Variants in CELSR1 observed in about 807,000 individuals in gnomAD.
CELSR1 encodes the protein adhesion G protein-coupled receptor C1.
CELSR1 carries 110 observed loss-of-function variants against 249.1 expected under a neutral mutation model. The ratio of observed to expected loss-of-function variants is 0.44; its 90% CI spans 0.38 to 0.52. CELSR1 has a LOEUF of 0.52. Ranked by LOEUF, CELSR1 falls within the 20% of genes least tolerant of loss-of-function variation. CELSR1 has a pLI of 0.00. For synonymous variants in CELSR1, 2,113 were observed against 1,900.0 expected (o/e 1.11, Z -2.92); for missense variants, 4,109 against 4,296.4 (o/e 0.96, Z 1.22).
At position 46,377,164 on chromosome 22, in the gene CELSR1, C is replaced by T. The variant is rs1317741440; in HGVS notation, c.7481G>A (p.Arg2494His). ...LVAFVLLSLVRMLRSNLHSIH... is the reference protein window; with the variant it reads ...LVAFVLLSLVHMLRSNLHSIH... ...GCTGTGCAGGTTGGAGCGCAGCATG[C>T]GGACCAGGCTCAGGAGGACGAAGGC... The change falls in exon 24 of 35, where the codon CGC becomes CAC. Residue 2494 changes from arginine (R) to histidine (H), a missense_variant. This residue lies in a region of CELSR1 where 1,805 missense variants were observed against 1,831.6 expected (regional missense o/e 0.99). Coordinates refer to ENST00000674500, the MANE Select transcript of CELSR1 (RefSeq NM_001378328.1). The T allele has an allele frequency of 4.3e-6, 7 of 1,613,698 alleles. No homozygotes were observed. Among genetic ancestry groups the T allele is most frequent in the Non-Finnish European group, 5.9e-6 (7 of 1,179,996 alleles).
chr22:46,365,528 A>G, intron 31 of CELSR1, 58 bp downstream of exon 31: 1 of 1,543,432 alleles, frequency 6.5e-7, no homozygotes. Context: ...CTGTCCAGTG[A>G]CCGAAGGGAC....
chr22:46,369,670 C>A (rs778269682), intron 26 of CELSR1, 22 bp downstream of exon 26: 1 of 1,601,460 alleles, frequency 6.2e-7, no homozygotes, highest in Admixed American at 1.7e-5. Flanking sequence ...CACCCGGACT[C>A]CCGTGAAGGC....
chr22:46,469,109 T>C (rs2080127906), intron 1 of CELSR1, among the ~76,000 whole-genome samples: 1 of 152,138 alleles, frequency 6.6e-6, no homozygotes, highest in Non-Finnish European at 1.5e-5. Flanking sequence ...AAATAGCCTA[T>C]GACCCACAGG....
chr22:46,514,685 G>A (rs891529190), intron 1 of CELSR1, among the ~76,000 whole-genome samples: 2 of 152,164 alleles, frequency 1.3e-5, no homozygotes, highest in East Asian at 1.9e-4. Flanking sequence ...GTCACTCCCC[G>A]GAGGGAGCCG....
intron 1 of CELSR1, among the ~76,000 whole-genome samples, chr22:46,505,845 A>C (rs2080509480): frequency 6.6e-6 from 1 of 152,138 alleles, no homozygotes; most frequent in Admixed American, 6.5e-5. Flanking sequence ...AAGGATTTTA[A>C]AAAATAAATC....
chr22:46,463,237 C>T (rs938927273), intron 2 of CELSR1, among the ~76,000 whole-genome samples: 5 of 152,208 alleles, frequency 3.3e-5, no homozygotes, highest in Non-Finnish European at 5.9e-5. Context: ...CATTGCTGGC[C>T]GGACACGGTG....
At chr22:46,451,343 G>T (rs970659343) in intron 2 of CELSR1, among the ~76,000 whole-genome samples, 2 of 152,230 alleles carry the variant, frequency 1.3e-5, no homozygotes, top group African/African-American at 4.8e-5. Flanking sequence ...CCTTCTCTGC[G>T]TGACTGCATT....
At chr22:46,483,678 G>A in intron 1 of CELSR1, among the ~76,000 whole-genome samples, 1 of 152,124 alleles carries the variant, frequency 6.6e-6, no homozygotes, top group East Asian at 1.9e-4. Context: ...ACCCAGGGAG[G>A]CAGAGCAGAT....
chr22:46,534,415 C>G lies in CELSR1; in HGVS notation c.2756G>C (p.Arg919Pro). The G allele has an allele frequency of 6.2e-7, 1 of 1,612,922 alleles. No homozygotes were observed. The highest frequency in any genetic ancestry group is 8.5e-7 in the Non-Finnish European group (1 of 1,180,020). Residue 919 changes from arginine to proline, a missense_variant, in exon 1 of 35, where the codon CGG (arginine) becomes CCG (proline). Physicochemically the swap from Arg to Pro is moderately radical, Grantham distance 103 (BLOSUM62 -2). Coordinates refer to ENST00000674500, the MANE Select transcript of CELSR1 (RefSeq NM_001378328.1). This position sits in a 1 kb window ranked among gnomAD's most constrained non-coding sequence, Gnocchi z 9.7. ...CAGACGCCCATTGGGACCTGAGTCC[C>G]GGTCCGTGGCAGAGACCTGGAGGAT... The part of the protein sequence containing the change: ...TSILQVSATD[R>P]DSGPNGRLLY...
intron 27 of CELSR1, among the ~76,000 whole-genome samples, chr22:46,368,675 T>A (rs958310109): frequency 9.2e-5 from 14 of 152,148 alleles, no homozygotes; most frequent in Admixed American, 7.2e-4. Context: ...TGCTGAGTCC[T>A]CCCGCGGTGC....
In CELSR1 at chr22:46,534,077, C is replaced by T. The variant is rs777302884; in HGVS notation, c.3094G>A (p.Ala1032Thr). The change falls in exon 1 of 35, where the codon GCC becomes ACC. Residue 1032 changes from alanine (A) to threonine (T), a missense_variant. Transcript: ENST00000674500. The surrounding 1 kb of genome is among the most constrained non-coding windows in gnomAD (Gnocchi z 9.7). ...TCCACAATCTGATACATGATCTGGG[C>T]ATTAGGGCCTTCATCAGGGTCGTTA... ...RANDPDEGPNAQIMYQIVEGD... is the reference protein window; with the variant it reads ...RANDPDEGPNTQIMYQIVEGD... 1.1e-5 allele frequency: 17 copies of T among 1,613,638 alleles called. No homozygotes were observed. The East Asian group carries it at 3.3e-4, about 32-fold the overall frequency.
At chr22:46,438,057 C>A (rs905357187) in intron 3 of CELSR1, among the ~76,000 whole-genome samples, 1 of 152,100 alleles carries the variant, frequency 6.6e-6, no homozygotes, top group Non-Finnish European at 1.5e-5. Context: ...CCTGCACGGC[C>A]CCCCTGGCAA....
At chr22:46,372,784 G>A (rs1569110299) in intron 25 of CELSR1, 99 bp downstream of exon 25, 12 of 1,424,960 alleles carry the variant, frequency 8.4e-6, no homozygotes, top group Non-Finnish European at 1.0e-5. Flanking sequence ...GACAAGCATT[G>A]GGGCTGGGCA....
In CELSR1 at chr22:46,361,344, G is replaced by C. The variant is rs2078701926; in HGVS notation, c.*1879C>G. On this transcript the variant is annotated 3_prime_UTR_variant, in exon 35 of 35. Coordinates refer to ENST00000674500, the MANE Select transcript of CELSR1 (RefSeq NM_001378328.1). The stretch of plus-strand genomic sequence containing the variant: ...TTTTCCCATCTCAATAAAACTGACA[G>C]TTGTTTTTTGGTAACAGTTCTGATC... 6.6e-6 allele frequency: 1 copy of C among 152,474 alleles called. No homozygotes were observed. Among genetic ancestry groups the C allele is most frequent in the Non-Finnish European group, 1.5e-5 (1 of 68,036 alleles). The allele number at this position is 152,474 out of a possible 1,614,324, so 9.4% of individuals were successfully genotyped here.
Position 46,423,502 on chromosome 22 carries a change from G to A in CELSR1, c.4611+9891C>T, listed in dbSNP as rs6008820. On this transcript the variant is annotated intron_variant, in intron 5 of 34. Coordinates refer to ENST00000674500, the MANE Select transcript of CELSR1 (RefSeq NM_001378328.1). The surrounding 1 kb of genome is among the most constrained non-coding windows in gnomAD (Gnocchi z 5.6). The stretch of plus-strand genomic sequence containing the variant: ...GGCCTGTAATCCCACCTACTCGGGA[G>A]GCTGAGGCAGGAGAATTGCTTGAAC... Among the ~76,000 whole-genome samples, 4,640 of 151,828 alleles carry A rather than the reference G, an allele frequency of 0.031. 215 individuals are homozygous for A. The highest frequency in any genetic ancestry group is 0.1 in the African/African-American group (4,286 of 41,286).
rs1009632384 is a variant in CELSR1, at chr22:46,406,750, C to T, written c.5226+2246G>A. 7.2e-5 allele frequency among the ~76,000 whole-genome samples: 11 copies of T among 152,218 alleles called. No individual in the cohort carries two copies. The highest frequency in any genetic ancestry group is 2.2e-4 in the African/African-American group (9 of 41,458). The stretch of plus-strand genomic sequence containing the variant: ...TAGGGTCCCTAGTGAAGAGCCTCTA[C>T]GCCTCAGTTTCCCGTGTGTGGAACG... On this transcript the variant is annotated intron_variant, in intron 9 of 34. Transcript: ENST00000674500. The surrounding 1 kb of genome is among the most constrained non-coding windows in gnomAD (Gnocchi z 5.4).
Position 46,397,909 on chromosome 22 carries a change from G to A in CELSR1, c.5527-61C>T, listed in dbSNP as rs898407041. ...CCGGAAAGGTATGTAGGGGTTAAGGGAACCCTGAGACCTCTCTGGTCCCTT... is the reference window on the plus strand; with the variant it reads ...CCGGAAAGGTATGTAGGGGTTAAGGAAACCCTGAGACCTCTCTGGTCCCTT... On this transcript the variant is annotated intron_variant, in intron 11 of 34. Transcript: ENST00000674500. The A allele has an allele frequency of 3.3e-5, 45 of 1,344,380 alleles. No individual in the cohort carries two copies. In the African/African-American group the frequency reaches 5.8e-4, roughly 17 times the overall value. 83.3% of individuals were successfully genotyped at this position (1,344,380 alleles called of 1,614,324 possible). A position where few individuals can be genotyped will look rare whatever the true frequency, so the allele number is the denominator to read the frequency against.
At chr22:46,367,605 G>A (rs11913988) in intron 28 of CELSR1, 124 bp downstream of exon 28, 78,299 of 1,337,598 alleles carry the variant, frequency 0.059, 2,892 homozygotes, top group African/African-American at 0.13. Context: ...AGCCACAGGA[G>A]GCCCCCACGC....
At chr22:46,443,299 A>T (rs1012523006) in intron 2 of CELSR1, among the ~76,000 whole-genome samples, 9 of 152,208 alleles carry the variant, frequency 5.9e-5, no homozygotes, top group Admixed American at 3.9e-4. Context: ...GGCACAGGCC[A>T]GGGGGGTGCT....
Sources: gnomAD v4.1 joint callset for allele counts (sites outside exome capture counted in the v4.1 genomes callset) on GRCh38, gnomAD v4.1.1 for gene constraint, gnomAD v4.1.1 regional missense constraint, Gnocchi (gnomAD v3.1) non-coding constraint, MANE v1.5 for transcripts, NCBI Gene and HGNC (gene_info 2026-07-23, HGNC 2026-07-21) for gene names.